CNTN3: variants seen among roughly 807,000 people sequenced by gnomAD.
CNTN3 encodes contactin-3.
A neutral mutation model predicts 119.1 loss-of-function variants in CNTN3; 60 were observed. That is an observed-to-expected ratio of 0.50 (90% CI 0.41 to 0.62). The LOEUF (loss-of-function observed/expected upper bound fraction) is 0.62. CNTN3 is among the 20% of genes least tolerant of loss of function. The pLI, the probability that CNTN3 is intolerant of heterozygous loss-of-function variation, is 0.00. For synonymous variants in CNTN3, 450 were observed against 438.7 expected, an observed-to-expected ratio of 1.03 and a Z score of -0.32; for missense variants, 1,101 against 1,242.4, an observed-to-expected ratio of 0.89 and a Z score of 1.71.
chr3:74,444,544 T>C (rs192009345), intron 4 of CNTN3, among the ~76,000 whole-genome samples: 5 of 147,440 alleles, frequency 3.4e-5, no homozygotes, highest in African/African-American at 1.2e-4. Context: ...TATAAGTTTC[T>C]AGGTCATGAC....
At chr3:74,572,845 G>A (rs1704356124) in intron 1 of CNTN3, among the ~76,000 whole-genome samples, 1 of 152,210 alleles carries the variant, frequency 6.6e-6, no homozygotes. Context: ...CAGGACAAGA[G>A]GTAACTGCCT....
intron 1 of CNTN3, among the ~76,000 whole-genome samples, chr3:74,546,587 C>G (rs957520849): frequency 3.9e-5 from 6 of 152,202 alleles, no homozygotes; most frequent in Non-Finnish European, 8.8e-5. Context: ...CCTTCCTGCT[C>G]TCAAACATCA....
intron 1 of CNTN3, among the ~76,000 whole-genome samples, chr3:74,525,455 C>T (rs1339777874): frequency 6.6e-6 from 1 of 151,722 alleles, no homozygotes; most frequent in African/African-American, 2.4e-5. Context: ...CATGTATCAT[C>T]ACGGAGAGAG....
At chr3:74,589,490 C>T (rs1202731356) in intron 1 of CNTN3, among the ~76,000 whole-genome samples, 1 of 147,404 alleles carries the variant, frequency 6.8e-6, no homozygotes, top group Non-Finnish European at 1.5e-5. Flanking sequence ...GAAATAGGAA[C>T]ACTTTGACAC....
intron 1 of CNTN3, among the ~76,000 whole-genome samples, chr3:74,549,122 A>G (rs1267383471): frequency 1.3e-5 from 2 of 152,124 alleles, no homozygotes; most frequent in Non-Finnish European, 2.9e-5. Flanking sequence ...GCTCTGGTGG[A>G]CGGTGATTGG....
At chr3:74,385,608 C>A (rs1056743218) in intron 5 of CNTN3, among the ~76,000 whole-genome samples, 17 of 152,136 alleles carry the variant, frequency 1.1e-4, no homozygotes. Context: ...TTTAAACTCT[C>A]TGGTCTCAGC....
intron 2 of CNTN3, among the ~76,000 whole-genome samples, chr3:74,518,972 C>T (rs6800227): frequency 0.99 from 150,996 of 151,900 alleles, 75,054 homozygotes; most frequent in Middle Eastern, 1. Flanking sequence ...TTATCCTTCA[C>T]TATAGTATTG....
chr3:74,264,455 A>T lies in CNTN3; in HGVS notation c.3033T>A (p.Pro1011=). 1 of 1,612,310 alleles carries T rather than the reference A, an allele frequency of 6.2e-7. No individual in the cohort carries two copies. Among genetic ancestry groups the T allele is most frequent in the Non-Finnish European group, 8.5e-7 (1 of 1,178,770 alleles). The change falls in exon 23 of 23, where the codon CCT becomes CCA. Residue 1011 remains proline (P), a synonymous_variant. Transcript: ENST00000263665. ...GTACTATAGGCATATAACTTGACAT[A>T]GGGTGGACATTCGAGATGGCTGAAG... ...GSTSAISNVH[P]MSSYMPIVLF...
intron 4 of CNTN3, among the ~76,000 whole-genome samples, chr3:74,479,506 A>G (rs1702723236): frequency 6.6e-6 from 1 of 152,158 alleles, no homozygotes; most frequent in Non-Finnish European, 1.5e-5. Flanking sequence ...GATTTGTAAC[A>G]TATTATTCAT....
chr3:74,272,060 C>A (rs1044569520), intron 20 of CNTN3, among the ~76,000 whole-genome samples: 1 of 152,138 alleles, frequency 6.6e-6, no homozygotes, highest in Admixed American at 6.5e-5. Context: ...AAACTATAAG[C>A]AGAACACTTA....
chr3:74,266,715 G>C (rs543752954), intron 21 of CNTN3, 66 bp from the exon 22 acceptor site: 1 of 1,455,658 alleles, frequency 6.9e-7, no homozygotes, highest in African/African-American at 1.4e-5. Context: ...CATAGAATTT[G>C]TCTCTCTGAA....
chr3:74,388,384 C>T (rs1020468467), intron 5 of CNTN3, among the ~76,000 whole-genome samples: 8 of 152,042 alleles, frequency 5.3e-5, no homozygotes, highest in African/African-American at 1.9e-4. Context: ...TTTCGAATCA[C>T]TGATTTTAGA....
chr3:74,607,532 A>C (rs2106713677), intron 1 of CNTN3, among the ~76,000 whole-genome samples: 1 of 152,302 alleles, frequency 6.6e-6, no homozygotes, highest in South Asian at 2.1e-4. Flanking sequence ...CCACACTGAT[A>C]AACAAACATA....
At chr3:74,299,277 A>G (rs2106812866) in intron 17 of CNTN3, among the ~76,000 whole-genome samples, 1 of 152,356 alleles carries the variant, frequency 6.6e-6, no homozygotes, top group East Asian at 1.9e-4. Context: ...AATTTTGTTG[A>G]CACATCATCA....
chr3:74,536,603 T>C (rs901017923), intron 1 of CNTN3, among the ~76,000 whole-genome samples: 2 of 152,240 alleles, frequency 1.3e-5, no homozygotes, highest in East Asian at 3.9e-4. Context: ...AATACATTTG[T>C]AATAAATATG....
intron 13 of CNTN3, among the ~76,000 whole-genome samples, chr3:74,334,184 C>T (rs1703334483): frequency 6.6e-6 from 1 of 152,094 alleles, no homozygotes; most frequent in African/African-American, 2.4e-5. Context: ...GGAAACACAC[C>T]GATCTGGACT....
At chr3:74,609,590 G>C (rs560836030) in intron 1 of CNTN3, among the ~76,000 whole-genome samples, 22 of 152,230 alleles carry the variant, frequency 1.4e-4, no homozygotes, top group African/African-American at 5.3e-4. Flanking sequence ...GACAACATTG[G>C]TTTGAAGTAG....
At chr3:74,510,975 T>A (rs1419381076) in intron 2 of CNTN3, among the ~76,000 whole-genome samples, 4 of 152,036 alleles carry the variant, frequency 2.6e-5, no homozygotes, top group African/African-American at 9.7e-5. Context: ...AAATCACAAA[T>A]TCTACAATCA....
chr3:74,395,053 A>C (rs1705011715), intron 5 of CNTN3, among the ~76,000 whole-genome samples: 1 of 152,132 alleles, frequency 6.6e-6, no homozygotes, highest in African/African-American at 2.4e-5. Context: ...TGTAATAAAC[A>C]AAGTGGCTTG....
Sources: allele counts gnomAD v4.1 joint callset (sites outside exome capture counted in the v4.1 genomes callset), GRCh38; gene constraint gnomAD v4.1.1; transcripts MANE v1.5; gene names NCBI Gene and HGNC (gene_info 2026-07-23, HGNC 2026-07-21).